The following TEKT5 variants were observed in gnomAD, a reference collection of about 807,000 sequenced individuals.
The protein encoded by TEKT5 is tektin-5.
Under a neutral mutation model 48.7 loss-of-function variants are expected in TEKT5, and 52 were observed. The observed-to-expected ratio is 1.07, with a 90% CI of 0.86 to 1.35. The LOEUF (loss-of-function observed/expected upper bound fraction) is 1.35, where lower values mean the gene tolerates loss of function less well. Ranked by LOEUF, TEKT5 falls within the 40% of genes most tolerant of loss-of-function variation. The pLI, the probability that TEKT5 is intolerant of heterozygous loss-of-function variation, is 0.00. For missense variants in TEKT5, 831 were observed against 641.6 expected (o/e 1.30, Z -3.19); for synonymous variants, 318 against 267.6 (o/e 1.19, Z -1.84).
chr16:10,694,231 T>A (rs1596425735), intron 1 of TEKT5, 79 bp downstream of exon 1: 3 of 1,438,196 alleles, frequency 2.1e-6, no homozygotes, highest in East Asian at 2.3e-5. Flanking sequence ...GCCACCTTCA[T>A]CTTCAGTCAA....
chr16:10,683,882 C>T (rs901517187), intron 3 of TEKT5, among the ~76,000 whole-genome samples: 1 of 152,190 alleles, frequency 6.6e-6, no homozygotes, highest in Non-Finnish European at 1.5e-5. Flanking sequence ...CATAAGCCAC[C>T]GCACCTGGCC....
intron 5 of TEKT5, among the ~76,000 whole-genome samples, chr16:10,649,150 A>C (rs1333916404): frequency 6.6e-6 from 1 of 151,760 alleles, no homozygotes; most frequent in Non-Finnish European, 1.5e-5. Context: ...ATTGGATCTC[A>C]CTATGTTGCC....
intron 5 of TEKT5, among the ~76,000 whole-genome samples, chr16:10,644,911 G>T (rs1358556853): frequency 6.6e-6 from 1 of 152,180 alleles, no homozygotes; most frequent in Non-Finnish European, 1.5e-5. Context: ...TGGGGCCTCT[G>T]AGAGGCGATT....
chr16:10,629,435 G>T (rs1897804597), intron 6 of TEKT5, among the ~76,000 whole-genome samples: 1 of 152,052 alleles, frequency 6.6e-6, no homozygotes, highest in South Asian at 2.1e-4. Context: ...TGTTTTAGTA[G>T]AGACAGTGTT....
intron 5 of TEKT5, among the ~76,000 whole-genome samples, chr16:10,648,710 C>T (rs1001473492): frequency 6.6e-6 from 1 of 152,202 alleles, no homozygotes; most frequent in African/African-American, 2.4e-5. Flanking sequence ...CTGACCATTT[C>T]CAGGCATGAG....
chr16:10,633,373 G>A (rs959971460), intron 6 of TEKT5, among the ~76,000 whole-genome samples: 1 of 152,026 alleles, frequency 6.6e-6, no homozygotes, highest in Non-Finnish European at 1.5e-5. Context: ...AAAAACTCTC[G>A]TTGGGGAGGC....
chr16:10,638,504 G>A (rs1185102527), intron 5 of TEKT5, among the ~76,000 whole-genome samples: 1 of 152,228 alleles, frequency 6.6e-6, no homozygotes, highest in Non-Finnish European at 1.5e-5. Context: ...ATGAGGCAGT[G>A]ATGTCCTGCC....
At chr16:10,684,178 AT>A (rs1458883120) in intron 3 of TEKT5, among the ~76,000 whole-genome samples, 2 of 152,206 alleles carry the variant, frequency 1.3e-5, no homozygotes, top group Non-Finnish European at 2.9e-5. Flanking sequence ...GTTTAGAAGA[AT>A]TGTTAGAGTA....
At chr16:10,683,842 C>G (rs947927655) in intron 3 of TEKT5, among the ~76,000 whole-genome samples, 1 of 152,236 alleles carries the variant, frequency 6.6e-6, no homozygotes, top group African/African-American at 2.4e-5. Context: ...ATCCGCCTGC[C>G]TTGGCTTCCC....
rs1555466066 is a variant in TEKT5 at position 10,658,720 on chromosome 16, T to TTTCC, written c.1086+17238_1086+17239insGGAA. Among the ~76,000 whole-genome samples, 5 of 146,410 alleles carry TTTCC rather than the reference T, an allele frequency of 3.4e-5. No homozygotes were observed. In the East Asian group the frequency reaches 7.9e-4, roughly 23 times the overall value. On this transcript the variant is annotated intron_variant, in intron 5 of 6. Transcript: ENST00000283025. ...GTGACATTTAGGACTAGATATTTCT[T>TTTCC]TTTCTTTTTTTTTTTGAGACAGAGT...
chr16:10,668,873 G>T (rs542831477), intron 5 of TEKT5, among the ~76,000 whole-genome samples: 1 of 152,304 alleles, frequency 6.6e-6, no homozygotes, highest in African/African-American at 2.4e-5. Context: ...TAATGCAAAT[G>T]AGGGAAGCGT....
chr16:10,636,162 G>A (rs1897910660), intron 5 of TEKT5, among the ~76,000 whole-genome samples: 1 of 152,072 alleles, frequency 6.6e-6, no homozygotes, highest in Admixed American at 6.6e-5. Flanking sequence ...ATCACCTGAG[G>A]TCAGGGGTTC....
chr16:10,683,510 T>G (rs1898797086), intron 3 of TEKT5, among the ~76,000 whole-genome samples: 1 of 152,216 alleles, frequency 6.6e-6, no homozygotes, highest in Non-Finnish European at 1.5e-5. Flanking sequence ...TTCCAGACAT[T>G]TGAGAATCAC....
At chr16:10,676,266 G>T in intron 4 of TEKT5, 85 bp from the exon 5 acceptor site, 1 of 1,328,050 alleles carries the variant, frequency 7.5e-7, no homozygotes, top group Non-Finnish European at 1.1e-6. Flanking sequence ...TTGGCCTCTG[G>T]GTCGGGATTA....
intron 5 of TEKT5, among the ~76,000 whole-genome samples, chr16:10,641,724 A>T (rs1286337186): frequency 6.6e-6 from 1 of 152,224 alleles, no homozygotes; most frequent in African/African-American, 2.4e-5. Flanking sequence ...AGGGAGGCTG[A>T]GGCAGGAGCA....
chr16:10,660,932 C>CTCAAGTGA (rs1898360002), intron 5 of TEKT5, among the ~76,000 whole-genome samples: 1 of 152,112 alleles, frequency 6.6e-6, no homozygotes, highest in Non-Finnish European at 1.5e-5. Context: ...AACTCCTGAC[C>CTCAAGTGA]TCAAGTGATC....
intron 5 of TEKT5, among the ~76,000 whole-genome samples, chr16:10,669,423 C>A (rs888960001): frequency 6.6e-6 from 1 of 152,134 alleles, no homozygotes; most frequent in African/African-American, 2.4e-5. Context: ...CGTGCCACTG[C>A]ACTCCAGCCT....
In TEKT5 at chr16:10,689,236, A is replaced by G. The variant is rs768273746; in HGVS notation, c.719+17T>C. The G allele has an allele frequency of 1.3e-6, 2 of 1,586,490 alleles. No homozygotes were observed. Among genetic ancestry groups the G allele is most frequent in the Admixed American group, 3.8e-5 (2 of 52,582 alleles). ...AAACCCCAAGGAGAGGGAATTAAAA[A>G]AAAAAAAAGCCCTTACCGCATCTGG... On this transcript the variant is annotated intron_variant, in intron 3 of 6. Coordinates refer to ENST00000283025, the MANE Select transcript of TEKT5 (RefSeq NM_144674.2).
intron 4 of TEKT5, among the ~76,000 whole-genome samples, chr16:10,680,525 A>G (rs1003201558): frequency 9.9e-5 from 15 of 151,464 alleles, no homozygotes; most frequent in African/African-American, 3.4e-4. Flanking sequence ...CATCCCGAGC[A>G]TCTCTCAGAC....
Sources: allele counts gnomAD v4.1 joint callset (sites outside exome capture counted in the v4.1 genomes callset), GRCh38; gene constraint gnomAD v4.1.1; transcripts MANE v1.5; gene names NCBI Gene and HGNC (gene_info 2026-07-23, HGNC 2026-07-21).